Variants in CNTNAP2 observed in about 807,000 individuals in gnomAD.
CNTNAP2 encodes contactin-associated protein-like 2.
Under a neutral mutation model 155.2 loss-of-function variants are expected in CNTNAP2, and 98 were observed. The observed-to-expected ratio is 0.63, with a 90% CI of 0.54 to 0.75. The LOEUF is 0.75. CNTNAP2 is among the 30% of genes least tolerant of loss of function. CNTNAP2 has a pLI of 0.00. For synonymous variants in CNTNAP2, 651 were observed against 631.2 expected, an observed-to-expected ratio of 1.03 and a Z score of -0.47; for missense variants, 1,727 against 1,688.1, an observed-to-expected ratio of 1.02 and a Z score of -0.40.
chr7:147,638,649 G>C (rs1294425064), intron 12 of CNTNAP2, among the ~76,000 whole-genome samples: 1 of 152,084 alleles, frequency 6.6e-6, no homozygotes, highest in Non-Finnish European at 1.5e-5. Context: ...ACAAGATGAG[G>C]ATACATATTC....
chr7:146,610,625 G>T (rs1216293187), intron 1 of CNTNAP2, among the ~76,000 whole-genome samples: 1 of 152,006 alleles, frequency 6.6e-6, no homozygotes, highest in African/African-American at 2.4e-5. Context: ...TTTGAGACAT[G>T]ATTGCACTTT....
chr7:147,374,154 T>C (rs1293894453), intron 9 of CNTNAP2, among the ~76,000 whole-genome samples: 1 of 152,112 alleles, frequency 6.6e-6, no homozygotes, highest in African/African-American at 2.4e-5. Flanking sequence ...ATTCAAATTT[T>C]ACTTTTATTT....
At chr7:147,821,876 A>T (rs997193684) in intron 13 of CNTNAP2, among the ~76,000 whole-genome samples, 1 of 152,194 alleles carries the variant, frequency 6.6e-6, no homozygotes, top group Admixed American at 6.5e-5. Flanking sequence ...GAAGTTACTG[A>T]AAGAGTATAA....
intron 1 of CNTNAP2, among the ~76,000 whole-genome samples, chr7:146,141,187 G>A (rs1215930254): frequency 6.6e-6 from 1 of 152,144 alleles, no homozygotes; most frequent in Non-Finnish European, 1.5e-5. Flanking sequence ...GTGTCTAAGT[G>A]GCACAAAGGG....
At chr7:147,046,030 G>C (rs1450151955) in intron 4 of CNTNAP2, among the ~76,000 whole-genome samples, 1 of 152,096 alleles carries the variant, frequency 6.6e-6, no homozygotes, top group African/African-American at 2.4e-5. Context: ...GTGAGATGAA[G>C]TGGGACAAAT....
intron 8 of CNTNAP2, among the ~76,000 whole-genome samples, chr7:147,217,174 C>A (rs1355644335): frequency 6.6e-6 from 1 of 151,834 alleles, no homozygotes; most frequent in Non-Finnish European, 1.5e-5. Context: ...TTAGATAGGA[C>A]TCTCAGTACA....
chr7:147,676,122 T>C (rs1795862915), intron 13 of CNTNAP2, among the ~76,000 whole-genome samples: 1 of 152,022 alleles, frequency 6.6e-6, no homozygotes, highest in Admixed American at 6.6e-5. Flanking sequence ...TCTTCTTTCC[T>C]TTTATGCAGC....
chr7:146,395,066 ATTTC>A (rs368266864), intron 1 of CNTNAP2, among the ~76,000 whole-genome samples: 1 of 151,954 alleles, frequency 6.6e-6, no homozygotes, highest in Non-Finnish European at 1.5e-5. Context: ...AAAAGACATT[ATTTC>A]TTTCTTTCTT....
At chr7:147,497,948 A>G (rs1424302471) in intron 11 of CNTNAP2, among the ~76,000 whole-genome samples, 2 of 152,320 alleles carry the variant, frequency 1.3e-5, no homozygotes, top group East Asian at 3.9e-4. Flanking sequence ...GAGCAAAATA[A>G]CATTTTCTGG....
intron 12 of CNTNAP2, among the ~76,000 whole-genome samples, chr7:147,582,070 T>G (rs1051885643): frequency 6.6e-6 from 1 of 152,132 alleles, no homozygotes. Flanking sequence ...CATTGTACTT[T>G]TAAAGAATTT....
intron 1 of CNTNAP2, among the ~76,000 whole-genome samples, chr7:146,347,202 GA>G (rs1329076821): frequency 2.0e-5 from 3 of 147,004 alleles, no homozygotes; most frequent in Admixed American, 2.0e-4. Flanking sequence ...CAATTATTTT[GA>G]ATGCTATAAA....
At chr7:146,794,783 T>C (rs554912190) in intron 2 of CNTNAP2, among the ~76,000 whole-genome samples, 2 of 152,284 alleles carry the variant, frequency 1.3e-5, no homozygotes, top group African/African-American at 4.8e-5. Context: ...AGAAAAACAA[T>C]ACAAGTACTT....
chr7:147,044,162 A>T, intron 4 of CNTNAP2, 108 bp downstream of exon 4: 3 of 1,226,014 alleles, frequency 2.4e-6, no homozygotes, highest in Non-Finnish European at 3.6e-6. Flanking sequence ...ACAATAAACT[A>T]CCTTCTCATT....
chr7:146,180,064 CTG>C (rs1421642192), intron 1 of CNTNAP2, among the ~76,000 whole-genome samples: 2 of 152,100 alleles, frequency 1.3e-5, no homozygotes, highest in African/African-American at 4.8e-5. Flanking sequence ...GCACTAAACT[CTG>C]TATGTTTTTG....
At chr7:146,442,749 G>C (rs1796338554) in intron 1 of CNTNAP2, among the ~76,000 whole-genome samples, 1 of 152,132 alleles carries the variant, frequency 6.6e-6, no homozygotes, top group Non-Finnish European at 1.5e-5. Flanking sequence ...CTGTTCCGTG[G>C]ATTTAGCCTT....
intron 3 of CNTNAP2, among the ~76,000 whole-genome samples, chr7:146,918,186 G>C (rs574073962): frequency 6.6e-6 from 1 of 152,104 alleles, no homozygotes; most frequent in African/African-American, 2.4e-5. Context: ...TTCAATATTA[G>C]TATTGAGAGG....
intron 1 of CNTNAP2, among the ~76,000 whole-genome samples, chr7:146,523,107 T>C (rs568133414): frequency 5.9e-5 from 9 of 152,088 alleles, no homozygotes; most frequent in Non-Finnish European, 1.3e-4. Context: ...GAGCAGTATA[T>C]ACTGCACCAT....
At chr7:147,532,739 G>A (rs1027784348) in intron 11 of CNTNAP2, among the ~76,000 whole-genome samples, 2 of 152,154 alleles carry the variant, frequency 1.3e-5, no homozygotes, top group African/African-American at 2.4e-5. Context: ...CTTCTTACGT[G>A]GCAGCAGCAA....
At chr7:147,126,768 T>A (rs1243068742) in intron 6 of CNTNAP2, among the ~76,000 whole-genome samples, 10 of 152,192 alleles carry the variant, frequency 6.6e-5, no homozygotes, top group Admixed American at 6.5e-4. Flanking sequence ...CCACCATGCC[T>A]GGCCCACCAA....
Sources: gnomAD v4.1 joint callset for allele counts (sites outside exome capture counted in the v4.1 genomes callset) on GRCh38, gnomAD v4.1.1 for gene constraint, MANE v1.5 for transcripts, NCBI Gene and HGNC (gene_info 2026-07-23, HGNC 2026-07-21) for gene names.